Variants in WDR49 observed in about 807,000 individuals in gnomAD.
The protein encoded by WDR49 is cilia- and flagella-associated protein 337.
WDR49 carries 107 observed loss-of-function variants against 119.5 expected under a neutral mutation model. The observed-to-expected ratio is 0.90, with a 90% confidence interval of 0.77 to 1.05. WDR49 has a LOEUF of 1.05. Ranked by LOEUF, WDR49 falls within the 50% of genes least tolerant of loss-of-function variation. The probability of loss-of-function intolerance (pLI) is 0.00; values close to 1 mark genes in which losing one functional copy is unlikely to be tolerated. For missense variants in WDR49, 1,240 were observed against 1,220.5 expected (o/e 1.02, Z -0.24); for synonymous variants, 425 against 418.8 (o/e 1.01, Z -0.18).
Position 167,602,145 on chromosome 3 carries a change from G to T in WDR49, c.1257C>A (p.Phe419Leu), listed in dbSNP as rs367736932. 3.7e-6 allele frequency: 6 copies of T among 1,600,910 alleles called. No individual in the cohort carries two copies. The highest frequency in any genetic ancestry group is 3.3e-5 in the Admixed American group (2 of 59,790). The change falls in exon 7 of 19, where the codon TTC becomes TTA. Residue 419 changes from phenylalanine (F) to leucine (L), a missense_variant. Physicochemically the swap from Phe to Leu is conservative, Grantham distance 22 (BLOSUM62 0). Coordinates refer to ENST00000682715, the MANE Select transcript of WDR49 (RefSeq NM_001366157.1). The part of the protein sequence containing the change: ...VQFFVERKQL[F>L]SFSKDKVLRL... ...TACTTACTTTATCCTTGGAGAAGCT[G>T]AAAAGTTGTTTTCTTTCCACAAAGA...
Position 167,626,074 on chromosome 3 carries a change from A to C in WDR49, c.606+778T>G, listed in dbSNP as rs542037115. On this transcript the variant is annotated intron_variant, in intron 3 of 18. Coordinates refer to ENST00000682715, the MANE Select transcript of WDR49 (RefSeq NM_001366157.1). Reference sequence around the variant, plus strand: ...AAATATGTACATGACTGGATATTTCATGATATTAAGAAAATATTGCTATGG... The same window carrying C: ...AAATATGTACATGACTGGATATTTCCTGATATTAAGAAAATATTGCTATGG... Among the ~76,000 whole-genome samples the C allele has an allele frequency of 3.3e-5, 5 of 152,204 alleles. No homozygotes were observed. The South Asian group carries it at 1.0e-3, about 32-fold the overall frequency.
At chr3:167,540,400 C>T (rs1435768120) in intron 10 of WDR49, among the ~76,000 whole-genome samples, 1 of 152,126 alleles carries the variant, frequency 6.6e-6, no homozygotes, top group African/African-American at 2.4e-5. Flanking sequence ...AGCCCAAAGG[C>T]TGGTAGTCCC....
intron 8 of WDR49, among the ~76,000 whole-genome samples, chr3:167,574,724 A>C (rs1383677419): frequency 6.6e-6 from 1 of 152,154 alleles, no homozygotes; most frequent in African/African-American, 2.4e-5. Context: ...TCTTATGGCC[A>C]GGCAACATAG....
At chr3:167,596,285 G>A (rs2108300438) in intron 7 of WDR49, among the ~76,000 whole-genome samples, 1 of 149,750 alleles carries the variant, frequency 6.7e-6, no homozygotes, top group East Asian at 2.0e-4. Flanking sequence ...CTGTAAACTA[G>A]TTCAACCATT....
chr3:167,636,585 G>A (rs560621238), intron 2 of WDR49, among the ~76,000 whole-genome samples: 1 of 151,658 alleles, frequency 6.6e-6, no homozygotes, highest in Non-Finnish European at 1.5e-5. Context: ...TTTCACAGTG[G>A]TTGTACTAGT....
intron 8 of WDR49, among the ~76,000 whole-genome samples, chr3:167,569,116 G>A (rs1041302804): frequency 2.0e-5 from 3 of 151,756 alleles, no homozygotes; most frequent in South Asian, 2.1e-4. Flanking sequence ...TAATTTTTTC[G>A]TATTTTTAGT....
intron 15 of WDR49, 34 bp downstream of exon 15, chr3:167,527,786 A>G (rs1353056302): frequency 1.3e-6 from 2 of 1,589,714 alleles, no homozygotes. Flanking sequence ...AATGTCAAGT[A>G]AATACTAGAA....
intron 10 of WDR49, among the ~76,000 whole-genome samples, chr3:167,538,128 A>T (rs1426526103): frequency 6.6e-6 from 1 of 152,104 alleles, no homozygotes; most frequent in Non-Finnish European, 1.5e-5. Flanking sequence ...GAGATTTCAT[A>T]TATCACCATG....
At chr3:167,601,602 G>A (rs1166063280) in intron 7 of WDR49, among the ~76,000 whole-genome samples, 1 of 151,652 alleles carries the variant, frequency 6.6e-6, no homozygotes, top group Non-Finnish European at 1.5e-5. Flanking sequence ...CGGCTCTAGT[G>A]CCATATTTTT....
At chr3:167,484,654 C>T (rs189237998) in intron 18 of WDR49, among the ~76,000 whole-genome samples, 6 of 148,140 alleles carry the variant, frequency 4.1e-5, no homozygotes, top group Admixed American at 3.4e-4. Context: ...CTGATTGATA[C>T]ACTTTCCATG....
chr3:167,564,476 C>T (rs1713469658), intron 8 of WDR49, among the ~76,000 whole-genome samples: 1 of 152,212 alleles, frequency 6.6e-6, no homozygotes, highest in Admixed American at 6.5e-5. Context: ...AAGTTGTTTT[C>T]ATCAGCAATA....
At position 167,505,340 on chromosome 3, in the gene WDR49, G is replaced by GT. The variant is rs1256504027; in HGVS notation, c.2850dup (p.Pro951ThrfsTer5). 27 of 1,525,554 alleles carry GT rather than the reference G, an allele frequency of 1.8e-5. No individual in the cohort carries two copies. Among genetic ancestry groups the GT allele is most frequent in the Non-Finnish European group, 2.1e-5 (24 of 1,144,584 alleles). 94.5% of individuals were successfully genotyped at this position (1,525,554 alleles called of 1,614,324 possible). A position where few individuals can be genotyped will look rare whatever the true frequency, so the allele number is the denominator to read the frequency against. On this transcript the variant is annotated frameshift_variant, in exon 17 of 19. Coordinates refer to ENST00000682715, the MANE Select transcript of WDR49 (RefSeq NM_001366157.1). LOFTEE classifies it high-confidence loss of function. ...TTTTTTATAACTTCACCATAATAAG[G>GT]TTTTTGTGTTTCTTTCATGCAGGTA...
intron 8 of WDR49, among the ~76,000 whole-genome samples, chr3:167,563,926 C>T (rs1713432031): frequency 6.6e-6 from 1 of 152,160 alleles, no homozygotes; most frequent in Non-Finnish European, 1.5e-5. Flanking sequence ...AAAGATGATA[C>T]TTTTTATTTC....
At chr3:167,598,465 G>A (rs1715601835) in intron 7 of WDR49, among the ~76,000 whole-genome samples, 1 of 152,084 alleles carries the variant, frequency 6.6e-6, no homozygotes, top group African/African-American at 2.4e-5. Flanking sequence ...GATCATTGGG[G>A]CAGTTTCCTC....
At chr3:167,551,066 A>C (rs1712531187) in intron 10 of WDR49, among the ~76,000 whole-genome samples, 1 of 152,014 alleles carries the variant, frequency 6.6e-6, no homozygotes, top group African/African-American at 2.4e-5. Flanking sequence ...CTATACTTCT[A>C]AATTTGGGAC....
At chr3:167,550,425 G>C (rs1184032206) in intron 10 of WDR49, among the ~76,000 whole-genome samples, 3 of 151,988 alleles carry the variant, frequency 2.0e-5, no homozygotes, top group Non-Finnish European at 2.9e-5. Context: ...TTGTAAGTTG[G>C]ATTCCTAGGT....
chr3:167,532,820 C>A (rs1752896275), intron 12 of WDR49, 59 bp downstream of exon 12: 1 of 1,269,498 alleles, frequency 7.9e-7, no homozygotes, highest in Non-Finnish European at 1.1e-6. Flanking sequence ...CATGCATGAA[C>A]AACCAGGCCT....
At chr3:167,511,595 C>T (rs995187450) in intron 16 of WDR49, among the ~76,000 whole-genome samples, 1 of 152,150 alleles carries the variant, frequency 6.6e-6, no homozygotes, top group African/African-American at 2.4e-5. Flanking sequence ...TCTGTGAAAC[C>T]CATGGATCAG....
At chr3:167,640,506 C>A (rs898702755) in intron 2 of WDR49, among the ~76,000 whole-genome samples, 41 of 151,984 alleles carry the variant, frequency 2.7e-4, no homozygotes, top group African/African-American at 9.6e-4. Context: ...CTGCTCGTAA[C>A]AAGAAGACCA....
Sources: allele counts gnomAD v4.1 joint callset (sites outside exome capture counted in the v4.1 genomes callset), GRCh38; gene constraint gnomAD v4.1.1; transcripts MANE v1.5; gene names NCBI Gene and HGNC (gene_info 2026-07-23, HGNC 2026-07-21).